The following EPHA5 variants were observed in gnomAD, a reference collection of about 807,000 sequenced individuals.
The protein encoded by EPHA5 is EPH receptor A5.
A neutral mutation model predicts 105.0 loss-of-function variants in EPHA5; 60 were observed. The observed-to-expected ratio is 0.57, with a 90% CI of 0.46 to 0.71. The LOEUF is 0.71. Among genes scored for constraint, EPHA5 ranks in the 30% least tolerant of loss-of-function variants. The pLI, the probability that EPHA5 is intolerant of heterozygous loss-of-function variation, is 0.00. For synonymous variants in EPHA5, 513 were observed against 449.1 expected (o/e 1.14, Z -1.80); for missense variants, 1,218 against 1,274.7 (o/e 0.96, Z 0.68).
At chr4:65,518,340 C>A (rs1391168450) in intron 3 of EPHA5, among the ~76,000 whole-genome samples, 1 of 151,572 alleles carries the variant, frequency 6.6e-6, no homozygotes, top group East Asian at 1.9e-4. Context: ...AATTAGAGCC[C>A]CCAAATCACA....
chr4:65,340,994 C>T (rs1721657101), intron 14 of EPHA5, among the ~76,000 whole-genome samples: 1 of 152,088 alleles, frequency 6.6e-6, no homozygotes, highest in South Asian at 2.1e-4. Flanking sequence ...TTCCTTCCTT[C>T]CATCTCTACT....
intron 8 of EPHA5, among the ~76,000 whole-genome samples, chr4:65,400,815 G>A (rs1457860549): frequency 1.3e-5 from 2 of 151,866 alleles, no homozygotes; most frequent in African/African-American, 4.8e-5. Flanking sequence ...TTTCCTCTTA[G>A]ACCCAAATCA....
chr4:65,568,559 T>A (rs1269459372), intron 3 of EPHA5, among the ~76,000 whole-genome samples: 1 of 151,202 alleles, frequency 6.6e-6, no homozygotes, highest in Non-Finnish European at 1.5e-5. Context: ...TTTAAACATG[T>A]AAGCTTCATC....
At chr4:65,450,086 C>A (rs1195430504) in intron 5 of EPHA5, among the ~76,000 whole-genome samples, 1 of 152,132 alleles carries the variant, frequency 6.6e-6, no homozygotes, top group Non-Finnish European at 1.5e-5. Flanking sequence ...GCAAAAGAGT[C>A]ATGAATATTA....
At chr4:65,364,924 T>C (rs1717712274) in intron 11 of EPHA5, 93 bp downstream of exon 11, 1 of 1,029,280 alleles carries the variant, frequency 9.7e-7, no homozygotes. Context: ...ATTAATATAT[T>C]ACAATCTTGG....
chr4:65,520,029 T>G (rs1177254497), intron 3 of EPHA5, among the ~76,000 whole-genome samples: 1 of 152,078 alleles, frequency 6.6e-6, no homozygotes, highest in Admixed American at 6.6e-5. Flanking sequence ...AAAAACTACT[T>G]TAAAGTTCAT....
intron 5 of EPHA5, among the ~76,000 whole-genome samples, chr4:65,439,895 ATTTG>A (rs2149083154): frequency 6.6e-6 from 1 of 152,220 alleles, no homozygotes; most frequent in Admixed American, 6.6e-5. Flanking sequence ...GCAAAAAAAA[ATTTG>A]TTTGCATTAT....
intron 5 of EPHA5, among the ~76,000 whole-genome samples, chr4:65,454,253 C>A (rs1727351653): frequency 6.6e-6 from 1 of 151,896 alleles, no homozygotes; most frequent in South Asian, 2.1e-4. Context: ...GCACTCCAGC[C>A]TGGGCGACAA....
intron 2 of EPHA5, among the ~76,000 whole-genome samples, chr4:65,619,538 A>C (rs1745530990): frequency 6.6e-6 from 1 of 152,172 alleles, no homozygotes; most frequent in Non-Finnish European, 1.5e-5. Flanking sequence ...TAAACAATTA[A>C]ATTTGATTTA....
intron 5 of EPHA5, among the ~76,000 whole-genome samples, chr4:65,436,341 G>T (rs1369122522): frequency 6.6e-6 from 1 of 150,684 alleles, no homozygotes; most frequent in Non-Finnish European, 1.5e-5. Context: ...CTAAAATAGT[G>T]CTATAAACAG....
At chr4:65,370,061 AAG>A (rs1201659922) in intron 8 of EPHA5, among the ~76,000 whole-genome samples, 3 of 152,156 alleles carry the variant, frequency 2.0e-5, no homozygotes, top group Admixed American at 1.3e-4. Flanking sequence ...AGTAAACTTG[AAG>A]TAATATTCCT....
chr4:65,444,067 G>T (rs1019415173), intron 5 of EPHA5, among the ~76,000 whole-genome samples: 1 of 152,278 alleles, frequency 6.6e-6, no homozygotes. Context: ...TGATATAGTG[G>T]ACCTGTGTAC....
chr4:65,421,701 A>T (rs1723961026), intron 5 of EPHA5, among the ~76,000 whole-genome samples: 1 of 152,116 alleles, frequency 6.6e-6, no homozygotes. Flanking sequence ...CCACCTTGCT[A>T]TTCATAAATT....
intron 3 of EPHA5, chr4:65,573,853 A>T: frequency 6.2e-7 from 1 of 1,613,442 alleles, no homozygotes; most frequent in Non-Finnish European, 8.5e-7. Context: ...GGCAAAAAAA[A>T]ACCCTTCAGT....
intron 3 of EPHA5, among the ~76,000 whole-genome samples, chr4:65,528,604 C>T (rs1374996394): frequency 1.3e-5 from 2 of 152,044 alleles, no homozygotes; most frequent in Non-Finnish European, 2.9e-5. Flanking sequence ...TCAAGATATC[C>T]AGTGATTTGC....
At position 65,480,264 on chromosome 4, in the gene EPHA5, A is replaced by C. The variant is rs1180939009; in HGVS notation, c.1402+10113T>G. On this transcript the variant is annotated intron_variant, in intron 5 of 16. Transcript: ENST00000613740. ...AGAAATTTTCATTCAAATTTGAATA[A>C]GTATGCAGTGAAATGTGTCAACTTC... 3.9e-5 allele frequency among the ~76,000 whole-genome samples: 6 copies of C among 152,332 alleles called. No individual in the cohort carries two copies. The South Asian group carries it at 1.0e-3, about 26-fold the overall frequency.
intron 3 of EPHA5, among the ~76,000 whole-genome samples, chr4:65,521,750 A>G (rs1734747391): frequency 1.3e-5 from 2 of 152,012 alleles, no homozygotes; most frequent in Non-Finnish European, 2.9e-5. Context: ...AATATGCCCA[A>G]TAAGGAAGCA....
intron 7 of EPHA5, among the ~76,000 whole-genome samples, chr4:65,413,656 G>A (rs560237673): frequency 1.2e-4 from 19 of 152,108 alleles, no homozygotes; most frequent in Admixed American, 2.0e-4. Flanking sequence ...CTTTAATAGC[G>A]TCTATTTCTG....
At chr4:65,452,164 A>T (rs1727128585) in intron 5 of EPHA5, among the ~76,000 whole-genome samples, 1 of 152,190 alleles carries the variant, frequency 6.6e-6, no homozygotes, top group Admixed American at 6.6e-5. Flanking sequence ...GCTTTTCTTC[A>T]AAATGTTATT....
Sources: gnomAD v4.1 joint callset for allele counts (sites outside exome capture counted in the v4.1 genomes callset) on GRCh38, gnomAD v4.1.1 for gene constraint, MANE v1.5 for transcripts, NCBI Gene and HGNC (gene_info 2026-07-23, HGNC 2026-07-21) for gene names.